The following DOCK3 variants were observed in gnomAD, a reference collection of about 807,000 sequenced individuals.
The protein encoded by DOCK3 is dedicator of cytokinesis protein 3.
In DOCK3, 60 loss-of-function variants were observed where a neutral mutation model predicts 265.6. The observed-to-expected ratio is 0.23, with a 90% CI of 0.18 to 0.28. The LOEUF is 0.28. Ranked by LOEUF, DOCK3 falls within the 10% of genes least tolerant of loss-of-function variation. DOCK3 has a pLI of 1.00. For missense variants in DOCK3, 1,981 were observed against 2,594.3 expected (o/e 0.76, Z 5.14); for synonymous variants, 881 against 938.0 (o/e 0.94, Z 1.11).
At chr3:51,124,129 T>G (rs1243770419) in intron 9 of DOCK3, among the ~76,000 whole-genome samples, 2 of 152,200 alleles carry the variant, frequency 1.3e-5, no homozygotes, top group African/African-American at 4.8e-5. Flanking sequence ...CTGGACATCC[T>G]TCCTCCAGCC....
chr3:50,902,661 G>A (rs1432687164), intron 4 of DOCK3, among the ~76,000 whole-genome samples: 2 of 152,028 alleles, frequency 1.3e-5, no homozygotes, highest in East Asian at 3.9e-4. Flanking sequence ...GGCTATTTGG[G>A]CTCTTTTTGT....
chr3:51,025,252 C>T (rs972798950), intron 5 of DOCK3, among the ~76,000 whole-genome samples: 2 of 152,054 alleles, frequency 1.3e-5, no homozygotes, highest in Non-Finnish European at 2.9e-5. Flanking sequence ...GGCTAAGGCC[C>T]CTGTGAGAGA....
chr3:50,950,736 T>C (rs574871741), intron 5 of DOCK3, among the ~76,000 whole-genome samples: 5 of 152,256 alleles, frequency 3.3e-5, no homozygotes, highest in African/African-American at 1.2e-4. Flanking sequence ...TGACCCACTT[T>C]ACCCAAAACC....
chr3:50,826,529 G>A (rs2675837), intron 2 of DOCK3, among the ~76,000 whole-genome samples: 14,365 of 152,156 alleles, frequency 0.094, 840 homozygotes, highest in Non-Finnish European at 0.12. Context: ...CAAGGATACA[G>A]GATATTTGAA....
At position 51,278,546 on chromosome 3, in the gene DOCK3, C is replaced by T. The variant is rs1056814842; in HGVS notation, c.2823+792C>T. 5 of 985,234 alleles carry T rather than the reference C, an allele frequency of 5.1e-6. No individual in the cohort carries two copies. In the African/African-American group the frequency reaches 5.2e-5, roughly 10 times the overall value. 61.0% of individuals were successfully genotyped at this position (985,234 alleles called of 1,614,324 possible). A position where few individuals can be genotyped will look rare whatever the true frequency, so the allele number is the denominator to read the frequency against. ...GGGAGCAGGTATGTGTTCTGGAGCA[C>T]TGGGCTTGGAAAGAGTGTCTGCTCC... On this transcript the variant is annotated intron_variant, in intron 26 of 52. Transcript: ENST00000266037.
intron 9 of DOCK3, among the ~76,000 whole-genome samples, chr3:51,092,355 G>T (rs868222442): frequency 1.3e-5 from 2 of 152,208 alleles, no homozygotes; most frequent in South Asian, 4.1e-4. Flanking sequence ...CATTACTGAG[G>T]CTTGAGTAGG....
chr3:50,758,163 G>A (rs1314763328), intron 1 of DOCK3, among the ~76,000 whole-genome samples: 1 of 109,436 alleles, frequency 9.1e-6, no homozygotes, highest in Non-Finnish European at 1.7e-5. Context: ...GGGCGACAGA[G>A]CGAGACTCTG....
chr3:51,018,601 G>T (rs1390473131), intron 5 of DOCK3, among the ~76,000 whole-genome samples: 3 of 151,604 alleles, frequency 2.0e-5, no homozygotes, highest in Admixed American at 1.3e-4. Flanking sequence ...AAGATGTCTT[G>T]GAGAAGGGAC....
At position 50,895,529 on chromosome 3, in the gene DOCK3, A is replaced by G. The variant is rs565702621; in HGVS notation, c.218+5448A>G. On this transcript the variant is annotated intron_variant, in intron 4 of 52. Coordinates refer to ENST00000266037, the MANE Select transcript of DOCK3 (RefSeq NM_004947.5). ...AAAGATTTCTTTTTAAAATTTTTTTATTATACTTTAAGTTCTGGGATACAT... is the reference window on the plus strand; with the variant it reads ...AAAGATTTCTTTTTAAAATTTTTTTGTTATACTTTAAGTTCTGGGATACAT... Among the ~76,000 whole-genome samples, 13 of 151,686 alleles carry G rather than the reference A, an allele frequency of 8.6e-5. No individual in the cohort carries two copies. The South Asian group carries it at 1.9e-3, about 22-fold the overall frequency.
rs2088621256 is a variant in DOCK3 at position 51,381,326 on chromosome 3, C to T, written c.5860C>T (p.Arg1954Ter). The change falls in exon 53 of 53, where the codon CGA becomes TGA. Residue 1954 changes from arginine to a stop codon, truncating the protein, a stop_gained. Transcript: ENST00000266037. LOFTEE classifies it high-confidence loss of function. The surrounding 1 kb of genome is among the most constrained non-coding windows in gnomAD (Gnocchi z 5.6). ...VLDSIKAQPC[R>*]SHSAPGCVIP... ...GGACTCCATCAAGGCCCAGCCATGCCGAAGCCACTCAGCCCCAGGGTGCGT... is the reference window on the plus strand; with the variant it reads ...GGACTCCATCAAGGCCCAGCCATGCTGAAGCCACTCAGCCCCAGGGTGCGT... 6.2e-7 allele frequency: 1 copy of T among 1,613,568 alleles called. No homozygotes were observed. Among genetic ancestry groups the T allele is most frequent in the South Asian group, 1.1e-5 (1 of 91,090 alleles).
intron 3 of DOCK3, among the ~76,000 whole-genome samples, chr3:50,875,287 A>G (rs540173920): frequency 6.6e-6 from 1 of 152,020 alleles, no homozygotes; most frequent in African/African-American, 2.4e-5. Flanking sequence ...GTACCCTTTC[A>G]CTTGTTTCTC....
In DOCK3 at chr3:50,740,058, C is replaced by G. The variant is rs572984119; in HGVS notation, c.38-38617C>G. ...ATCTCCAAACAACTACTTACCTGCT[C>G]TCTGTCACTGTATATTACTTTGCAT... On this transcript the variant is annotated intron_variant, in intron 1 of 52. Coordinates refer to ENST00000266037, the MANE Select transcript of DOCK3 (RefSeq NM_004947.5). Among the ~76,000 whole-genome samples, 50 of 152,198 alleles carry G rather than the reference C, an allele frequency of 3.3e-4. No individual in the cohort carries two copies. The South Asian group carries it at 4.4e-3, about 13-fold the overall frequency.
At chr3:50,920,087 C>G (rs1041489980) in intron 4 of DOCK3, among the ~76,000 whole-genome samples, 1 of 152,140 alleles carries the variant, frequency 6.6e-6, no homozygotes, top group Admixed American at 6.5e-5. Flanking sequence ...GCCTTGCATC[C>G]CAGGGATGAA....
intron 27 of DOCK3, among the ~76,000 whole-genome samples, chr3:51,283,809 T>C (rs1469539827): frequency 1.3e-5 from 2 of 151,690 alleles, no homozygotes; most frequent in Admixed American, 6.6e-5. Flanking sequence ...GACTGGCATA[T>C]GTGTGTCCAT....
chr3:50,915,884 C>G (rs981519194), intron 4 of DOCK3, among the ~76,000 whole-genome samples: 1 of 151,930 alleles, frequency 6.6e-6, no homozygotes, highest in East Asian at 1.9e-4. Context: ...TAGGTAGAGT[C>G]GCCCCATCTT....
intron 32 of DOCK3, 113 bp from the exon 33 acceptor site, chr3:51,330,025 C>A: frequency 9.6e-7 from 1 of 1,037,812 alleles, no homozygotes; most frequent in Non-Finnish European, 1.4e-6. Flanking sequence ...TTCTTTGGAG[C>A]AAGGACAGGA....
intron 2 of DOCK3, among the ~76,000 whole-genome samples, chr3:50,796,876 A>C (rs1431507970): frequency 2.6e-5 from 4 of 151,940 alleles, no homozygotes; most frequent in Non-Finnish European, 5.9e-5. Flanking sequence ...ATGCTCACTC[A>C]CAACTTCTGG....
chr3:51,317,581 A>AAATAATAATAATAAT (rs35402276), intron 32 of DOCK3, among the ~76,000 whole-genome samples: 19 of 139,142 alleles, frequency 1.4e-4, no homozygotes, highest in East Asian at 6.1e-4. Flanking sequence ...CTCCATCACA[A>AAATAATAATAATAAT]AATAATAATA....
intron 9 of DOCK3, among the ~76,000 whole-genome samples, chr3:51,132,349 C>T (rs1216971453): frequency 1.3e-5 from 2 of 152,170 alleles, no homozygotes; most frequent in Admixed American, 6.5e-5. Flanking sequence ...AAGTGTAGCA[C>T]ACCTCCTTAT....
Sources: allele counts gnomAD v4.1 joint callset (sites outside exome capture counted in the v4.1 genomes callset), GRCh38; gene constraint gnomAD v4.1.1; non-coding constraint Gnocchi (gnomAD v3.1); transcripts MANE v1.5; gene names NCBI Gene and HGNC (gene_info 2026-07-23, HGNC 2026-07-21).